Variants in GRM5 observed in about 807,000 individuals in gnomAD.
GRM5 encodes the protein glutamate metabotropic receptor 5.
In GRM5, 19 loss-of-function variants were observed where a neutral mutation model predicts 83.1. The observed-to-expected ratio is 0.23, with a 90% CI of 0.16 to 0.34. The LOEUF is 0.34. Among genes scored for constraint, GRM5 ranks in the 10% least tolerant of loss-of-function variants. GRM5 has a pLI of 1.00. For synonymous variants in GRM5, 675 were observed against 633.6 expected (o/e 1.07, Z -0.98); for missense variants, 1,160 against 1,588.3 (o/e 0.73, Z 4.58).
chr11:88,672,024 G>T (rs1279231447), intron 3 of GRM5, among the ~76,000 whole-genome samples: 1 of 151,982 alleles, frequency 6.6e-6, no homozygotes, highest in African/African-American at 2.4e-5. Context: ...TAAAATTTCA[G>T]CAGCAAATTC....
intron 2 of GRM5, among the ~76,000 whole-genome samples, chr11:89,002,923 G>T (rs1940425308): frequency 6.6e-6 from 1 of 151,926 alleles, no homozygotes; most frequent in African/African-American, 2.4e-5. Context: ...ATTCAATTTA[G>T]CCTATCTTGC....
chr11:88,962,842 G>A (rs1488966240), intron 2 of GRM5, among the ~76,000 whole-genome samples: 4 of 152,214 alleles, frequency 2.6e-5, no homozygotes, highest in Non-Finnish European at 2.9e-5. Flanking sequence ...TGAAATCCCA[G>A]CACTTTGGGA....
At chr11:88,803,087 T>C (rs1238610031) in intron 3 of GRM5, among the ~76,000 whole-genome samples, 4 of 143,764 alleles carry the variant, frequency 2.8e-5, no homozygotes, top group African/African-American at 8.3e-5. Flanking sequence ...GAAGAATCAA[T>C]ATCATGAAAA....
At chr11:88,697,055 A>C (rs1405259200) in intron 3 of GRM5, among the ~76,000 whole-genome samples, 2 of 152,214 alleles carry the variant, frequency 1.3e-5, no homozygotes, top group Admixed American at 1.3e-4. Context: ...CTGATTTGGC[A>C]TATAATTTAT....
chr11:88,609,449 G>A (rs1237244769), intron 4 of GRM5, among the ~76,000 whole-genome samples: 1 of 152,096 alleles, frequency 6.6e-6, no homozygotes, highest in African/African-American at 2.4e-5. Flanking sequence ...ACATGTATTT[G>A]CTATTGTGAA....
At chr11:88,637,332 C>T (rs1237724251) in intron 4 of GRM5, among the ~76,000 whole-genome samples, 9 of 151,136 alleles carry the variant, frequency 6.0e-5, no homozygotes, top group Non-Finnish European at 1.0e-4. Context: ...AGAGCTTCTG[C>T]ACAGCAAAAG....
chr11:88,841,076 C>T (rs904702044), intron 3 of GRM5, among the ~76,000 whole-genome samples: 1 of 152,126 alleles, frequency 6.6e-6, no homozygotes, highest in African/African-American at 2.4e-5. Context: ...ATAAACCTGA[C>T]TGTATTGTCA....
chr11:88,517,128 TAC>T (rs60251358), intron 9 of GRM5, among the ~76,000 whole-genome samples: 12,610 of 147,954 alleles, frequency 0.085, 773 homozygotes, highest in East Asian at 0.27. Context: ...TTGGCTTCTG[TAC>T]ACACACACAC....
intron 2 of GRM5, among the ~76,000 whole-genome samples, chr11:89,006,624 C>A (rs1278847362): frequency 3.9e-5 from 6 of 152,206 alleles, no homozygotes; most frequent in African/African-American, 1.4e-4. Context: ...CATTTTCACG[C>A]CTTGCTTTCC....
At chr11:88,756,003 C>G (rs1370109382) in intron 3 of GRM5, among the ~76,000 whole-genome samples, 2 of 152,116 alleles carry the variant, frequency 1.3e-5, no homozygotes, top group African/African-American at 4.8e-5. Context: ...ACTGATTGTC[C>G]TCACCATGAA....
intron 3 of GRM5, among the ~76,000 whole-genome samples, chr11:88,840,508 A>C (rs1383593686): frequency 1.3e-5 from 2 of 151,980 alleles, no homozygotes; most frequent in Non-Finnish European, 2.9e-5. Context: ...TGATCTCATG[A>C]TTTCCTTGAT....
intron 3 of GRM5, among the ~76,000 whole-genome samples, chr11:88,747,039 A>G (rs1178900810): frequency 6.6e-6 from 1 of 152,208 alleles, no homozygotes; most frequent in Non-Finnish European, 1.5e-5. Flanking sequence ...TACTGTGAGT[A>G]TAATATTGTC....
intron 2 of GRM5, among the ~76,000 whole-genome samples, chr11:88,938,295 A>G (rs967332074): frequency 6.6e-6 from 1 of 151,726 alleles, no homozygotes; most frequent in Non-Finnish European, 1.5e-5. Flanking sequence ...GGAAGAGAAG[A>G]AAGTATTTAG....
intron 3 of GRM5, among the ~76,000 whole-genome samples, chr11:88,832,400 C>T (rs1944012495): frequency 1.3e-5 from 2 of 151,984 alleles, no homozygotes; most frequent in Non-Finnish European, 2.9e-5. Flanking sequence ...TATAAGTATA[C>T]TTAGCCAAGG....
intron 8 of GRM5, among the ~76,000 whole-genome samples, chr11:88,547,390 C>G (rs942180354): frequency 2.0e-5 from 3 of 152,006 alleles, no homozygotes; most frequent in Non-Finnish European, 4.4e-5. Flanking sequence ...AAGAAGAGAA[C>G]AAAAGTAGAC....
intron 4 of GRM5, among the ~76,000 whole-genome samples, chr11:88,609,266 A>G (rs1172615064): frequency 6.6e-6 from 1 of 152,164 alleles, no homozygotes; most frequent in African/African-American, 2.4e-5. Context: ...CTATTCCTGC[A>G]TTAGTTCACT....
intron 2 of GRM5, among the ~76,000 whole-genome samples, chr11:89,021,470 A>G (rs1940982017): frequency 6.6e-6 from 1 of 152,142 alleles, no homozygotes; most frequent in Admixed American, 6.5e-5. Flanking sequence ...TACCAGAATT[A>G]TTGGGAGAAC....
intron 3 of GRM5, among the ~76,000 whole-genome samples, chr11:88,671,872 T>A (rs1349499691): frequency 6.6e-6 from 1 of 152,130 alleles, no homozygotes; most frequent in Non-Finnish European, 1.5e-5. Context: ...GGCTTGTTAA[T>A]TTCATGCAAA....
At chr11:89,064,882 CTCTCTCTGTG>C (rs1399415636) in intron 1 of GRM5, among the ~76,000 whole-genome samples, 1 of 61,224 alleles carries the variant, frequency 1.6e-5, no homozygotes, top group Non-Finnish European at 3.5e-5. Context: ...CTCTCTCTCT[CTCTCTCTGTG>C]TGTGTGTGTG....
Sources: gnomAD v4.1 joint callset for allele counts (sites outside exome capture counted in the v4.1 genomes callset) on GRCh38, gnomAD v4.1.1 for gene constraint, MANE v1.5 for transcripts, NCBI Gene and HGNC (gene_info 2026-07-23, HGNC 2026-07-21) for gene names.